PABIR3: variants seen among roughly 807,000 people sequenced by gnomAD.
PABIR3 encodes the protein PABIR family member 1.
Under a neutral mutation model 23.1 loss-of-function variants are expected in PABIR3, and 20 were observed. The ratio of observed to expected loss-of-function variants is 0.86; its 90% CI spans 0.61 to 1.26. The LOEUF is 1.26. PABIR3 is among the 50% of genes most tolerant of loss of function. The pLI, the probability that PABIR3 is intolerant of heterozygous loss-of-function variation, is 0.00. For missense variants in PABIR3, 189 were observed against 195.4 expected (o/e 0.97, Z 0.20); for synonymous variants, 69 against 68.5 (o/e 1.01, Z -0.04).
chrX:134,821,384 G>C (rs2081288881), intron 3 of PABIR3: 8 of 1,151,646 alleles, frequency 6.9e-6, no homozygotes, highest in Non-Finnish European at 9.2e-6. Flanking sequence ...CTGACCTTGA[G>C]ACTATGCCTT....
At chrX:134,851,302 G>A (rs1035274506) in intron 9 of PABIR3, among the ~76,000 whole-genome samples, 16 of 111,003 alleles carry the variant, frequency 1.4e-4, no homozygotes, top group Non-Finnish European at 2.1e-4. Flanking sequence ...TTGGGAGGCC[G>A]AGGCGGGCGG....
At position 134,814,895 on chromosome X, in the gene PABIR3, A is replaced by C. The variant is rs1023322223; in HGVS notation, c.189+46A>C. On this transcript the variant is annotated intron_variant, in intron 3 of 10. Coordinates refer to ENST00000645433, the MANE Select transcript of PABIR3 (RefSeq NM_001388447.1). ...GCCTCCCTGTCTAAGACTTGTGCTT[A>C]TTGGTCTCAACCAATGGTCTTCAAA... 3 of 991,435 alleles carry C rather than the reference A, an allele frequency of 3.0e-6. No individual in the cohort carries two copies. The African/African-American group carries it at 5.8e-5, about 19-fold the overall frequency. The allele number at this position is 991,435 out of a possible 1,213,427, so 81.7% of individuals were successfully genotyped here.
At chrX:134,809,557 G>A in intron 2 of PABIR3, 1 of 752,774 alleles carries the variant, frequency 1.3e-6, no homozygotes, top group Non-Finnish European at 1.6e-6. Context: ...AAAAATGTCT[G>A]AAAAATGCAT....
At chrX:134,824,779 C>G (rs1360027236) in intron 3 of PABIR3, among the ~76,000 whole-genome samples, 1 of 111,365 alleles carries the variant, frequency 9.0e-6, no homozygotes, top group East Asian at 2.8e-4. Context: ...TGCACTTTAG[C>G]CTGGGTGACA....
chrX:134,862,784 A>G, the PABIR3 span, among the ~76,000 whole-genome samples: 1 of 111,915 alleles, frequency 8.9e-6, no homozygotes, highest in Non-Finnish European at 1.9e-5. Context: ...AGAGTCTTTC[A>G]CTGTTGGAAA....
In PABIR3 at chrX:134,821,505, C is replaced by T. The variant is rs374811195; in HGVS notation, c.189+6656C>T. 1.0e-4 allele frequency: 118 copies of T among 1,149,246 alleles called. 1 individual carries two copies. The highest frequency in any genetic ancestry group is 1.3e-4 in the East Asian group (4 of 30,339). 94.7% of individuals were successfully genotyped at this position (1,149,246 alleles called of 1,213,427 possible). A position where few individuals can be genotyped will look rare whatever the true frequency, so the allele number is the denominator to read the frequency against. ...CTTCTGCTCAAGCCGGATGTCACTG[C>T]GTCACTTCTCCATCCCCACCCCCTC... On this transcript the variant is annotated intron_variant, in intron 3 of 10. Coordinates refer to ENST00000645433, the MANE Select transcript of PABIR3 (RefSeq NM_001388447.1).
chrX:134,820,186 T>C (rs2081194873), intron 3 of PABIR3, among the ~76,000 whole-genome samples: 1 of 111,811 alleles, frequency 8.9e-6, no homozygotes, highest in Non-Finnish European at 1.9e-5. Context: ...TATCAACCTA[T>C]CTTTAGTAGA....
chrX:134,818,494 G>A (rs1247935354), intron 3 of PABIR3, among the ~76,000 whole-genome samples: 3 of 111,890 alleles, frequency 2.7e-5, no homozygotes, highest in Non-Finnish European at 5.6e-5. Flanking sequence ...GTCATATGCT[G>A]TCAAGCCGTC....
Position 134,854,349 on chromosome X carries a change from T to A in PABIR3, c.*132T>A. On this transcript the variant is annotated 3_prime_UTR_variant, in exon 11 of 11. Transcript: ENST00000645433. The stretch of plus-strand genomic sequence containing the variant: ...TAATTTAAACTATCTCCTATTTATC[T>A]TTTTTCCTCAATTTCCTAAAATTCT... 5.5e-6 allele frequency: 4 copies of A among 731,754 alleles called. No individual in the cohort carries two copies. In the South Asian group the frequency reaches 2.1e-4, roughly 38 times the overall value. 60.3% of individuals were successfully genotyped at this position (731,754 alleles called of 1,213,427 possible). A position where few individuals can be genotyped will look rare whatever the true frequency, so the allele number is the denominator to read the frequency against.
intron 3 of PABIR3, among the ~76,000 whole-genome samples, chrX:134,828,587 G>GT (rs1248713032): frequency 9.0e-6 from 1 of 111,594 alleles, no homozygotes; most frequent in Non-Finnish European, 1.9e-5. Context: ...TTCCCCTCTT[G>GT]TGTGGGTCCT....
intron 9 of PABIR3, among the ~76,000 whole-genome samples, chrX:134,850,886 A>G (rs771686834): frequency 3.3e-4 from 37 of 111,752 alleles, no homozygotes; most frequent in African/African-American, 1.2e-3. Flanking sequence ...CACCTAGTCC[A>G]TATTTTCAGT....
intron 1 of PABIR3, among the ~76,000 whole-genome samples, chrX:134,800,425 C>T (rs1292989818): frequency 9.0e-6 from 1 of 111,185 alleles, no homozygotes; most frequent in Non-Finnish European, 1.9e-5. Context: ...CACGCCACTG[C>T]ACTCAGCCCG....
downstream of PABIR3, among the ~76,000 whole-genome samples, chrX:134,856,292 T>C (rs1322957793): frequency 1.8e-5 from 2 of 109,668 alleles, no homozygotes; most frequent in African/African-American, 3.3e-5. Flanking sequence ...TTCAAGCAAT[T>C]CTCCTGCCTC....
chrX:134,861,767 A>G, the PABIR3 span, among the ~76,000 whole-genome samples: 2 of 111,079 alleles, frequency 1.8e-5, no homozygotes, highest in East Asian at 5.7e-4. Context: ...ATAAGTACAC[A>G]TATCCTGAAG....
intron 3 of PABIR3, among the ~76,000 whole-genome samples, chrX:134,823,431 T>C (rs1467819921): frequency 9.0e-6 from 1 of 111,431 alleles, no homozygotes; most frequent in African/African-American, 3.3e-5. Flanking sequence ...TTTCTGGGCA[T>C]TTGATTGATG....
upstream of PABIR3, among the ~76,000 whole-genome samples, chrX:134,802,442 G>A (rs773972791): frequency 9.0e-6 from 1 of 111,244 alleles, no homozygotes; most frequent in East Asian, 2.8e-4. Context: ...TCAGCGCTGG[G>A]GCCTTACGCT....
intron 9 of PABIR3, among the ~76,000 whole-genome samples, chrX:134,852,008 G>A (rs2082653380): frequency 8.9e-6 from 1 of 112,137 alleles, no homozygotes; most frequent in Admixed American, 9.5e-5. Context: ...GAGATTAGAT[G>A]TTCTACCTTA....
intron 4 of PABIR3, among the ~76,000 whole-genome samples, chrX:134,837,523 T>C (rs1165004900): frequency 3.6e-5 from 4 of 111,902 alleles, no homozygotes; most frequent in South Asian, 3.7e-4. Context: ...TCCTGAAAAA[T>C]GGAAAGCTAA....
intron 10 of PABIR3, 73 bp downstream of exon 10, chrX:134,852,969 G>T: frequency 1.6e-6 from 1 of 640,811 alleles, no homozygotes; most frequent in South Asian, 4.4e-5. Context: ...TTTGGCTATT[G>T]TACGTATTCA....
Sources: gnomAD v4.1 joint callset for allele counts (sites outside exome capture counted in the v4.1 genomes callset) on GRCh38, gnomAD v4.1.1 for gene constraint, MANE v1.5 for transcripts, NCBI Gene and HGNC (gene_info 2026-07-23, HGNC 2026-07-21) for gene names.